Variants in SIPA1L3 observed in about 807,000 individuals in gnomAD.
SIPA1L3 encodes signal induced proliferation associated 1 like 3.
SIPA1L3 carries 59 observed loss-of-function variants against 150.1 expected under a neutral mutation model. The ratio of observed to expected loss-of-function variants is 0.39; its 90% confidence interval spans 0.32 to 0.49. The LOEUF is 0.49. SIPA1L3 is among the 20% of genes least tolerant of loss of function. SIPA1L3 has a pLI of 0.86. For missense variants in SIPA1L3, 2,211 were observed against 2,489.5 expected, an observed-to-expected ratio of 0.89 and a Z score of 2.38; for synonymous variants, 1,070 against 1,077.6, an observed-to-expected ratio of 0.99 and a Z score of 0.14.
intron 15 of SIPA1L3, among the ~76,000 whole-genome samples, chr19:38,170,576 C>T (rs891000542): frequency 5.3e-5 from 8 of 152,324 alleles, no homozygotes; most frequent in Middle Eastern, 3.4e-3. Context: ...ATTCACACAG[C>T]GAGCGCCTGC....
chr19:38,146,267 G>T (rs1971702333), intron 12 of SIPA1L3, among the ~76,000 whole-genome samples: 1 of 152,090 alleles, frequency 6.6e-6, no homozygotes, highest in Admixed American at 6.6e-5. Flanking sequence ...TGTCCTTAAG[G>T]TTCATCCACG....
At chr19:37,994,335 T>C (rs930159971) in intron 1 of SIPA1L3, among the ~76,000 whole-genome samples, 4 of 152,138 alleles carry the variant, frequency 2.6e-5, no homozygotes, top group Admixed American at 6.6e-5. Flanking sequence ...GTAGCTCAGG[T>C]GCTCTGGGAT....
At chr19:38,063,351 C>T (rs1384975798) in intron 2 of SIPA1L3, among the ~76,000 whole-genome samples, 1 of 152,156 alleles carries the variant, frequency 6.6e-6, no homozygotes, top group Non-Finnish European at 1.5e-5. Flanking sequence ...GGCCCCACTG[C>T]CGCCCCCCAT....
Position 38,082,061 on chromosome 19 carries a change from C to G in SIPA1L3, c.496C>G (p.Leu166Val). 6.2e-7 allele frequency: 1 copy of G among 1,613,404 alleles called. No homozygotes were observed. The highest frequency in any genetic ancestry group is 8.5e-7 in the Non-Finnish European group (1 of 1,179,974). ...PRSPGRAFLP[L>V]RHRSSSEITL... ...GTCCCCCGGCAGGGCCTTCCTCCCC[C>G]TTCGGCACCGCAGCAGCAGCGAGAT... is the stretch of plus-strand genomic sequence containing the variant. The change falls in exon 3 of 22, where the codon CTT becomes GTT. Residue 166 changes from leucine to valine, a missense_variant. Around this residue, in one of 5 missense-constraint regions of SIPA1L3, gnomAD observed 587 missense variants for 534.5 expected, o/e 1.10. Coordinates refer to ENST00000222345, the MANE Select transcript of SIPA1L3 (RefSeq NM_015073.3).
intron 10 of SIPA1L3, 38 bp from the exon 11 acceptor site, chr19:38,141,146 G>T: frequency 6.5e-7 from 1 of 1,539,898 alleles, no homozygotes; most frequent in Non-Finnish European, 8.8e-7. Context: ...GTGTTGGTGG[G>T]CTGGGGCCTT....
At chr19:38,125,222 GAT>G (rs1392294723) in intron 9 of SIPA1L3, among the ~76,000 whole-genome samples, 1 of 152,152 alleles carries the variant, frequency 6.6e-6, no homozygotes, top group African/African-American at 2.4e-5. Context: ...TTTTAATAGA[GAT>G]AGGGTTTCGC....
At chr19:38,084,780 C>T (rs1022036737) in intron 3 of SIPA1L3, among the ~76,000 whole-genome samples, 2 of 151,750 alleles carry the variant, frequency 1.3e-5, no homozygotes, top group Admixed American at 6.6e-5. Context: ...GCTGGGATTA[C>T]AGGCGCTCGC....
At chr19:37,987,158 C>T (rs1350987674) in intron 1 of SIPA1L3, among the ~76,000 whole-genome samples, 2 of 152,066 alleles carry the variant, frequency 1.3e-5, no homozygotes, top group Non-Finnish European at 2.9e-5. Flanking sequence ...AAACTCCCGA[C>T]CTCAGGTGAT....
In SIPA1L3 at chr19:37,989,161, G is replaced by T. The variant is rs140847977; in HGVS notation, c.-378-39928G>T. On this transcript the variant is annotated intron_variant, in intron 1 of 21. Coordinates refer to ENST00000222345, the MANE Select transcript of SIPA1L3 (RefSeq NM_015073.3). ...GCTGCTTAAGTGCTTCTTTGTGCCT[G>T]GCCTTGTGCATCCTCCCACGGAACC... Among the ~76,000 whole-genome samples, 10 of 152,274 alleles carry T rather than the reference G, an allele frequency of 6.6e-5. No individual in the cohort carries two copies. In the East Asian group the frequency reaches 1.9e-3, roughly 29 times the overall value.
rs926760814 is a variant in SIPA1L3, at chr19:38,168,106, G to C, written c.4208+3200G>C. Reference sequence around the variant, plus strand: ...CAAATGAATACGTGTGCGCTCCCAGGCCGGGCACGGTGGCTCACGCCTATA... The same window carrying C: ...CAAATGAATACGTGTGCGCTCCCAGCCCGGGCACGGTGGCTCACGCCTATA... On this transcript the variant is annotated intron_variant, in intron 15 of 21. Coordinates refer to ENST00000222345, the MANE Select transcript of SIPA1L3 (RefSeq NM_015073.3). Among the ~76,000 whole-genome samples the C allele has an allele frequency of 3.3e-5, 5 of 152,164 alleles. No homozygotes were observed. In the South Asian group the frequency reaches 1.0e-3, roughly 32 times the overall value.
chr19:38,099,840 C>A (rs1970460818), intron 4 of SIPA1L3, 122 bp from the exon 5 acceptor site: 1 of 848,768 alleles, frequency 1.2e-6, no homozygotes, highest in East Asian at 3.1e-5. Context: ...GGCTTTCTGA[C>A]CTTAGAGCAC....
At chr19:38,196,424 G>A (rs922660562) in intron 18 of SIPA1L3, among the ~76,000 whole-genome samples, 132 of 150,986 alleles carry the variant, frequency 8.7e-4, no homozygotes, top group Non-Finnish European at 1.5e-3. Flanking sequence ...GCAGAGCATG[G>A]AGGTCAAGGG....
In SIPA1L3 at chr19:38,193,607, G is replaced by C; in HGVS notation, c.4667G>C (p.Ser1556Thr). ...ESLCSGRREP[S>T]FASPAGLEPG... ...CTGTGCAGCGGGCGCCGGGAGCCCA[G>C]CTTCGCCAGCCCCGCTGGCCTAGAG... Residue 1556 changes from serine to threonine, a missense_variant, in exon 18 of 22, where the codon AGC (serine) becomes ACC (threonine). Around this residue, in one of 5 missense-constraint regions of SIPA1L3, gnomAD observed 806 missense variants for 870.1 expected, o/e 0.93. Coordinates refer to ENST00000222345, the MANE Select transcript of SIPA1L3 (RefSeq NM_015073.3). The C allele has an allele frequency of 6.4e-7, 1 of 1,564,994 alleles. No individual in the cohort carries two copies. The highest frequency in any genetic ancestry group is 8.6e-7 in the Non-Finnish European group (1 of 1,165,606).
intron 13 of SIPA1L3, among the ~76,000 whole-genome samples, chr19:38,154,139 G>A (rs1971890700): frequency 6.6e-6 from 1 of 152,144 alleles, no homozygotes; most frequent in Admixed American, 6.6e-5. Context: ...GAATCACACT[G>A]TGTCTATTTT....
At chr19:38,045,507 G>A (rs1213377514) in intron 2 of SIPA1L3, among the ~76,000 whole-genome samples, 1 of 152,074 alleles carries the variant, frequency 6.6e-6, no homozygotes, top group African/African-American at 2.4e-5. Flanking sequence ...GGGGGGTCGA[G>A]GCTGCAGTGA....
chr19:37,924,451 A>G (rs1206238393), intron 1 of SIPA1L3, among the ~76,000 whole-genome samples: 1 of 148,234 alleles, frequency 6.7e-6, no homozygotes, highest in East Asian at 2.0e-4. Flanking sequence ...GAAGGAGCAC[A>G]CTCTAAAATA....
chr19:37,933,650 G>A (rs1469015331), intron 1 of SIPA1L3, among the ~76,000 whole-genome samples: 1 of 152,152 alleles, frequency 6.6e-6, no homozygotes, highest in African/African-American at 2.4e-5. Flanking sequence ...GCTTTTCCAG[G>A]AACCTGTGGC....
chr19:38,100,820 A>G (rs1406796864), intron 5 of SIPA1L3, among the ~76,000 whole-genome samples: 2 of 152,204 alleles, frequency 1.3e-5, no homozygotes, highest in African/African-American at 4.8e-5. Flanking sequence ...CCATAGCGAG[A>G]AGAGGCGGCC....
Position 38,164,761 on chromosome 19 carries a change from C to T in SIPA1L3, c.4063C>T (p.His1355Tyr), listed in dbSNP as rs774093972. Residue 1355 changes from histidine (H) to tyrosine (Y), a missense_variant, in exon 15 of 22, where the codon CAC becomes TAC. Transcript: ENST00000222345. This position sits in a 1 kb window ranked among gnomAD's most constrained non-coding sequence, Gnocchi z 4.1. Reference sequence around the variant, plus strand: ...GGGTCGCGAGGCCGCTGGGAGGTCCCACCACGCAGACAGGCGGCGGGAGGT... The same window carrying T: ...GGGTCGCGAGGCCGCTGGGAGGTCCTACCACGCAGACAGGCGGCGGGAGGT... ...GGGREAAGRS[H>Y]HADRRREVSP... The T allele has an allele frequency of 3.1e-6, 5 of 1,612,986 alleles. No homozygotes were observed. The highest frequency in any genetic ancestry group is 4.5e-5 in the East Asian group (2 of 44,866).
Sources: allele counts gnomAD v4.1 joint callset (sites outside exome capture counted in the v4.1 genomes callset), GRCh38; gene constraint gnomAD v4.1.1; regional missense constraint gnomAD v4.1.1; non-coding constraint Gnocchi (gnomAD v3.1); transcripts MANE v1.5; gene names NCBI Gene and HGNC (gene_info 2026-07-23, HGNC 2026-07-21).